The following LRRC57 variants were observed in gnomAD, a reference collection of about 807,000 sequenced individuals.
LRRC57 encodes the protein leucine-rich repeat-containing protein 57.
A neutral mutation model predicts 23.1 loss-of-function variants in LRRC57; 14 were observed. The observed-to-expected ratio is 0.61, with a 90% CI of 0.40 to 0.95. The LOEUF (loss-of-function observed/expected upper bound fraction) is 0.95, where lower values mean the gene tolerates loss of function less well. Among genes scored for constraint, LRRC57 ranks in the 40% least tolerant of loss-of-function variants. LRRC57 has a pLI of 0.00. For synonymous variants in LRRC57, 106 were observed against 115.2 expected (o/e 0.92, Z 0.51); for missense variants, 236 against 284.4 (o/e 0.83, Z 1.22).
the LRRC57 span, among the ~76,000 whole-genome samples, chr15:42,530,045 C>T: frequency 6.6e-6 from 1 of 152,162 alleles, no homozygotes. Context: ...AGTAGTTTTA[C>T]TTAAACCTTC....
chr15:42,532,704 G>A, the LRRC57 span: 1 of 152,652 alleles, frequency 6.6e-6, no homozygotes, highest in Non-Finnish European at 1.5e-5. Flanking sequence ...TAAGAATTAT[G>A]TTTAGTTAGG....
Position 42,539,977 on chromosome 15 carries a change from A to G in LRRC57, c.*4106T>C, listed in dbSNP as rs2057620244. 6.6e-6 allele frequency: 1 copy of G among 152,128 alleles called. No homozygotes were observed. The highest frequency in any genetic ancestry group is 1.5e-5 in the Non-Finnish European group (1 of 68,062). The allele number at this position is 152,128 out of a possible 1,614,324, so 9.4% of individuals were successfully genotyped here. A position where few individuals can be genotyped will look rare whatever the true frequency, so the allele number is the denominator to read the frequency against. On this transcript the variant is annotated 3_prime_UTR_variant, in exon 6 of 6. Transcript: ENST00000397130. ...TTGGGAGGCCAAGGCAGGTGGATCA[A>G]CTGAGGTCAGGAGTTTGAGATCAGC...
the LRRC57 span, chr15:42,532,449 G>C: frequency 6.6e-6 from 1 of 152,152 alleles, no homozygotes; most frequent in Non-Finnish European, 1.5e-5. Context: ...ATAAATCTGT[G>C]ATCCCATTTC....
chr15:42,535,380 A>G (rs996176541), downstream of LRRC57, among the ~76,000 whole-genome samples: 2 of 152,062 alleles, frequency 1.3e-5, no homozygotes, highest in African/African-American at 4.8e-5. Context: ...TTCCTTCAAG[A>G]ACTTTTCCTT....
chr15:42,546,443 T>G (rs2141580650), intron 4 of LRRC57, among the ~76,000 whole-genome samples: 1 of 152,170 alleles, frequency 6.6e-6, no homozygotes, highest in Middle Eastern at 3.4e-3. Context: ...GAATATCCAC[T>G]TAAGGTAAAA....
rs575289030 is a variant in LRRC57 at position 42,538,005 on chromosome 15, T to C, written c.*6078A>G. 6.6e-6 allele frequency: 1 copy of C among 152,302 alleles called. No homozygotes were observed. The highest frequency in any genetic ancestry group is 2.1e-4 in the South Asian group (1 of 4,826). 9.4% of individuals were successfully genotyped at this position (152,302 alleles called of 1,614,324 possible). ...TTTAATGCTTGATAGCATAGTACGG[T>C]GACTATACTTAATGTAAGTTTCAAA... On this transcript the variant is annotated 3_prime_UTR_variant, in exon 6 of 6. Coordinates refer to ENST00000397130, the MANE Select transcript of LRRC57 (RefSeq NM_153260.3).
At position 42,548,263 on chromosome 15, in the gene LRRC57, A is replaced by G. The variant is rs1595541141; in HGVS notation, c.85-19T>C. ...CGGGGAACTGGAGAAAGGAGTTCAC[A>G]GCGTGGGGAATCCCGCACCGACTAA... On this transcript the variant is annotated intron_variant, in intron 2 of 5. Coordinates refer to ENST00000397130, the MANE Select transcript of LRRC57 (RefSeq NM_153260.3). 1.2e-6 allele frequency: 2 copies of G among 1,614,198 alleles called. No homozygotes were observed. The highest frequency in any genetic ancestry group is 8.5e-7 in the Non-Finnish European group (1 of 1,180,002).
chr15:42,544,085 A>C lies in LRRC57; in HGVS notation c.718T>G (p.Ter240GlyextTer14). Residue 240 changes from the stop codon to glycine, a stop_lost, in exon 6 of 6, where the codon TGA becomes GGA. Coordinates refer to ENST00000397130, the MANE Select transcript of LRRC57 (RefSeq NM_153260.3). ...GGTTTCCATAGTCCTGGAGAACTTC[A>C]CGCAAACTTCTTCTTGGTGGCTGTG... ...RFTATKKKFA[*>G] The C allele has an allele frequency of 1.2e-6, 2 of 1,613,194 alleles. No homozygotes were observed. Among genetic ancestry groups the C allele is most frequent in the Non-Finnish European group, 1.7e-6 (2 of 1,179,416 alleles).
At chr15:42,544,160 G>T in intron 5 of LRRC57, 36 bp from the exon 6 acceptor site, 2 of 1,546,260 alleles carry the variant, frequency 1.3e-6, no homozygotes, top group South Asian at 1.2e-5. Flanking sequence ...GGGGTATTTT[G>T]GCATGAGTAA....
chr15:42,548,777 G>A lies in LRRC57; in HGVS notation c.-107C>T. The stretch of plus-strand genomic sequence containing the variant: ...GGGATGCGCTCCCCGGCTTAGTCCC[G>A]GGCGGGAACGCCCTGTGACGTCATC... On this transcript the variant is annotated 5_prime_UTR_variant, in exon 1 of 6. Coordinates refer to ENST00000397130, the MANE Select transcript of LRRC57 (RefSeq NM_153260.3). 2.2e-6 allele frequency: 2 copies of A among 892,402 alleles called. No homozygotes were observed. Among genetic ancestry groups the A allele is most frequent in the East Asian group, 2.7e-5 (1 of 37,698 alleles). 55.3% of individuals were successfully genotyped at this position (892,402 alleles called of 1,614,324 possible).
At position 42,547,309 on chromosome 15, in the gene LRRC57, G is replaced by A. The variant is rs773879239; in HGVS notation, c.444C>T (p.Asp148=). 23 of 1,614,072 alleles carry A rather than the reference G, an allele frequency of 1.4e-5. No homozygotes were observed. Among genetic ancestry groups the A allele is most frequent in the Non-Finnish European group, 1.8e-5 (21 of 1,180,046 alleles). ...LSKNQIRSIP[D]SVGELQVIEL... ...CGATGACTTGCAGCTCTCCCACTGA[G>A]TCAGGTATACTTCGAATCTGGTTCT... Residue 148 remains aspartate (D), a synonymous_variant, in exon 4 of 6, where the codon GAC becomes GAT. Transcript: ENST00000397130.
At chr15:42,529,926 C>A in the LRRC57 span, 1 of 1,201,946 alleles carries the variant, frequency 8.3e-7, no homozygotes. Flanking sequence ...AAGCTCCTGT[C>A]CTCATAGGTC....
chr15:42,536,822 T>C (rs1302506178), downstream of LRRC57, among the ~76,000 whole-genome samples: 1 of 152,228 alleles, frequency 6.6e-6, no homozygotes, highest in Non-Finnish European at 1.5e-5. Flanking sequence ...CTTCTAGTTG[T>C]GTGGCCTTGA....
In LRRC57 at chr15:42,543,034, C is replaced by G. The variant is rs1280972540; in HGVS notation, c.*1049G>C. On this transcript the variant is annotated 3_prime_UTR_variant, in exon 6 of 6. Coordinates refer to ENST00000397130, the MANE Select transcript of LRRC57 (RefSeq NM_153260.3). ...TACAGGTACCCACCACCACGCCCAGCTAATTTTTGTATTTTCAGTAGAGAC... is the reference window on the plus strand; with the variant it reads ...TACAGGTACCCACCACCACGCCCAGGTAATTTTTGTATTTTCAGTAGAGAC... 9.2e-5 allele frequency: 14 copies of G among 151,630 alleles called. No individual in the cohort carries two copies. Among genetic ancestry groups the G allele is most frequent in the Admixed American group, 8.6e-4 (13 of 15,194 alleles). The allele number at this position is 151,630 out of a possible 1,614,324, so 9.4% of individuals were successfully genotyped here.
Position 42,545,165 on chromosome 15 carries a change from A to C in LRRC57, c.590T>G (p.Ile197Ser), listed in dbSNP as rs142377151. 3.7e-5 allele frequency: 59 copies of C among 1,612,396 alleles called. No individual in the cohort carries two copies. The African/African-American group carries it at 6.0e-4, about 16-fold the overall frequency. ...CAGACAGATCTGGGAATCACTGAGG[A>C]TGCTCTGGGGAAGCATGCTGAGCTC... ...CLELSMLPQS[I>S]LSDSQICLLA... The change falls in exon 5 of 6, where the codon ATC (isoleucine) becomes AGC (serine). Residue 197 changes from isoleucine to serine, a missense_variant. By Grantham distance (142) the Ile-to-Ser change is moderately radical. Coordinates refer to ENST00000397130, the MANE Select transcript of LRRC57 (RefSeq NM_153260.3).
Position 42,548,746 on chromosome 15 carries a change from G to A in LRRC57, c.-76C>T, listed in dbSNP as rs1365953529. On this transcript the variant is annotated 5_prime_UTR_variant, in exon 1 of 6. Coordinates refer to ENST00000397130, the MANE Select transcript of LRRC57 (RefSeq NM_153260.3). ...CGCAGGTGAAGACCCAGGACCCGCA[G>A]TAGCCGGGATGCGCTCCCCGGCTTA... is the stretch of plus-strand genomic sequence containing the variant. The A allele has an allele frequency of 4.3e-6, 3 of 705,224 alleles. No individual in the cohort carries two copies. The highest frequency in any genetic ancestry group is 1.8e-5 in the South Asian group (1 of 54,138). The allele number at this position is 705,224 out of a possible 1,614,324, so 43.7% of individuals were successfully genotyped here.
chr15:42,534,425 G>A (rs1374764429), downstream of LRRC57, among the ~76,000 whole-genome samples: 1 of 152,134 alleles, frequency 6.6e-6, no homozygotes, highest in African/African-American at 2.4e-5. Context: ...CACCACACCC[G>A]GCCTCCTCCA....
Position 42,539,863 on chromosome 15 carries a change from AG to A in LRRC57, c.*4219del, listed in dbSNP as rs2057619253. 6.6e-6 allele frequency: 1 copy of A among 152,316 alleles called. No homozygotes were observed. The highest frequency in any genetic ancestry group is 2.4e-5 in the African/African-American group (1 of 41,564). The allele number at this position is 152,316 out of a possible 1,614,324, so 9.4% of individuals were successfully genotyped here. On this transcript the variant is annotated 3_prime_UTR_variant, in exon 6 of 6. Transcript: ENST00000397130. ...TGAGCAGTTAATTCGGCTTAGACGCAGGAAAGAGGCTTAGACATACAGAATG... is the reference window on the plus strand; with the variant it reads ...TGAGCAGTTAATTCGGCTTAGACGCAGAAAGAGGCTTAGACATACAGAATG...
rs1169078579 is a variant in LRRC57 at position 42,540,172 on chromosome 15, G to C, written c.*3911C>G. 1 of 150,864 alleles carries C rather than the reference G, an allele frequency of 6.6e-6. No individual in the cohort carries two copies. Among genetic ancestry groups the C allele is most frequent in the Non-Finnish European group, 1.5e-5 (1 of 67,974 alleles). 9.3% of individuals were successfully genotyped at this position (150,864 alleles called of 1,614,324 possible). A position where few individuals can be genotyped will look rare whatever the true frequency, so the allele number is the denominator to read the frequency against. On this transcript the variant is annotated 3_prime_UTR_variant, in exon 6 of 6. Transcript: ENST00000397130. ...GATCGCGCCATTGTACTCCAGCGTG[G>C]GCAAGAGTGAGCCTCTGGACCAAAA...
Sources: gnomAD v4.1 joint callset for allele counts (sites outside exome capture counted in the v4.1 genomes callset) on GRCh38, gnomAD v4.1.1 for gene constraint, MANE v1.5 for transcripts, NCBI Gene and HGNC (gene_info 2026-07-23, HGNC 2026-07-21) for gene names.